GRIP2: variants seen among roughly 807,000 people sequenced by gnomAD.
GRIP2 encodes the protein glutamate receptor interacting protein 2, also known as glutamate receptor-interacting protein 2.
GRIP2 carries 58 observed loss-of-function variants against 108.3 expected under a neutral mutation model. That is an observed-to-expected ratio of 0.54 (90% CI 0.43 to 0.67). The LOEUF (loss-of-function observed/expected upper bound fraction) is 0.67. GRIP2 is among the 30% of genes least tolerant of loss of function. GRIP2 has a pLI of 0.00. For missense variants in GRIP2, 1,278 were observed against 1,430.6 expected (o/e 0.89, Z 1.72); for synonymous variants, 586 against 598.2 (o/e 0.98, Z 0.30).
At chr3:14,578,389 TA>T in the GRIP2 span, among the ~76,000 whole-genome samples, 1 of 152,158 alleles carries the variant, frequency 6.6e-6, no homozygotes, top group Non-Finnish European at 1.5e-5. Context: ...TCATGAGGAC[TA>T]AGGGAAGTGG....
chr3:14,585,559 T>C, the GRIP2 span, among the ~76,000 whole-genome samples: 28 of 152,242 alleles, frequency 1.8e-4, 1 homozygote, highest in South Asian at 5.8e-3. Context: ...AGAGCCACCT[T>C]GTCCTAGGGT....
At chr3:14,583,870 G>A in the GRIP2 span, among the ~76,000 whole-genome samples, 19 of 152,268 alleles carry the variant, frequency 1.2e-4, no homozygotes, top group Admixed American at 4.6e-4. Context: ...CTCCATCTTG[G>A]GAGGGGCCAC....
chr3:14,534,245 C>G (rs1303818217), intron 1 of GRIP2, among the ~76,000 whole-genome samples: 2 of 152,222 alleles, frequency 1.3e-5, no homozygotes, highest in Non-Finnish European at 2.9e-5. Flanking sequence ...TGACTCGAGC[C>G]TCCATTTTCC....
chr3:14,519,513 T>A (rs1694347973), intron 9 of GRIP2, among the ~76,000 whole-genome samples: 1 of 152,230 alleles, frequency 6.6e-6, no homozygotes, highest in African/African-American at 2.4e-5. Context: ...GATGGGACTT[T>A]CACTCAAGGC....
At chr3:14,508,416 A>C (rs1335427794) in intron 17 of GRIP2, among the ~76,000 whole-genome samples, 1 of 152,232 alleles carries the variant, frequency 6.6e-6, no homozygotes, top group Non-Finnish European at 1.5e-5. Context: ...AGGGCTGAGC[A>C]GGGGAGAAGC....
upstream of GRIP2, among the ~76,000 whole-genome samples, chr3:14,560,191 C>T (rs1695298510): frequency 6.6e-6 from 1 of 152,078 alleles, no homozygotes; most frequent in South Asian, 2.1e-4. Context: ...GAGTTTGAGG[C>T]TGCAGTGATC....
At position 14,521,301 on chromosome 3, in the gene GRIP2, C is replaced by A; in HGVS notation, c.712+341G>T. On this transcript the variant is annotated intron_variant, in intron 7 of 23. Transcript: ENST00000621039. The surrounding 1 kb of genome is among the most constrained non-coding windows in gnomAD (Gnocchi z 5.1). ...TCACTCCCCTAGTGAGAGAGCATCC[C>A]CCAGCCTGTCCCATCTCTCTCCCCT... is the stretch of plus-strand genomic sequence containing the variant. The A allele has an allele frequency of 4.4e-6, 1 of 226,236 alleles. No individual in the cohort carries two copies. Among genetic ancestry groups the A allele is most frequent in the Non-Finnish European group, 8.5e-6 (1 of 117,014 alleles). The allele number at this position is 226,236 out of a possible 1,614,324, so 14.0% of individuals were successfully genotyped here. A position where few individuals can be genotyped will look rare whatever the true frequency, so the allele number is the denominator to read the frequency against.
chr3:14,574,584 G>A, the GRIP2 span: 113 of 721,898 alleles, frequency 1.6e-4, no homozygotes, highest in Middle Eastern at 1.2e-3. Context: ...AACTTCGTCC[G>A]GGTATGTGGA....
At chr3:14,524,806 G>A (rs1694510378) in intron 3 of GRIP2, among the ~76,000 whole-genome samples, 1 of 152,180 alleles carries the variant, frequency 6.6e-6, no homozygotes, top group Admixed American at 6.5e-5. Flanking sequence ...AGCCTGCAGA[G>A]TGACCAGATC....
At chr3:14,530,897 T>C (rs1367141228) in intron 1 of GRIP2, 2 of 152,256 alleles carry the variant, frequency 1.3e-5, no homozygotes, top group Admixed American at 1.3e-4. Context: ...TATTTTTAAA[T>C]GTACAATTAC....
At chr3:14,538,385 G>C (rs1249369788) in intron 1 of GRIP2, among the ~76,000 whole-genome samples, 5 of 152,210 alleles carry the variant, frequency 3.3e-5, no homozygotes, top group Non-Finnish European at 5.9e-5. Flanking sequence ...CTGGAAATAG[G>C]CTCTCTTTCC....
rs570717823 is a variant in GRIP2, at chr3:14,496,406, C to G, written c.2823+11G>C. The G allele has an allele frequency of 1.2e-5, 19 of 1,604,724 alleles. No homozygotes were observed. The highest frequency in any genetic ancestry group is 5.6e-5 in the South Asian group (5 of 89,614). On this transcript the variant is annotated intron_variant, in intron 22 of 23. Transcript: ENST00000621039. Reference sequence around the variant, plus strand: ...AGGTCCAGGTCTCCTGTGCTCACCCCCTGTGCCTACCTTGTGCATCTCCAA... The same window carrying G: ...AGGTCCAGGTCTCCTGTGCTCACCCGCTGTGCCTACCTTGTGCATCTCCAA...
chr3:14,594,434 G>A, the GRIP2 span, among the ~76,000 whole-genome samples: 9 of 152,152 alleles, frequency 5.9e-5, no homozygotes, highest in Non-Finnish European at 1.5e-5. Flanking sequence ...GGGAGCAGGC[G>A]TGACTCCCAG....
upstream of GRIP2, chr3:14,541,985 G>A (rs371962111): frequency 1.5e-4 from 197 of 1,351,950 alleles, 1 homozygote; most frequent in African/African-American, 2.6e-3. Context: ...TCAACCACGC[G>A]GGAAGGAATG....
At chr3:14,495,767 G>C (rs1311466978) in intron 22 of GRIP2, among the ~76,000 whole-genome samples, 2 of 152,140 alleles carry the variant, frequency 1.3e-5, no homozygotes, top group Non-Finnish European at 1.5e-5. Flanking sequence ...TGAAGGTAGG[G>C]ATGTAAAGGT....
intron 21 of GRIP2, among the ~76,000 whole-genome samples, chr3:14,497,609 A>G (rs925363960): frequency 3.3e-5 from 5 of 152,240 alleles, no homozygotes; most frequent in African/African-American, 1.2e-4. Context: ...TCCCAGGAGC[A>G]GCAGGGAGCC....
chr3:14,574,406 C>T, the GRIP2 span: 1 of 769,928 alleles, frequency 1.3e-6, no homozygotes, highest in Non-Finnish European at 2.2e-6. Flanking sequence ...GGAGCCGCAC[C>T]TTGGGCTGCG....
the GRIP2 span, among the ~76,000 whole-genome samples, chr3:14,562,284 G>A: frequency 6.6e-6 from 1 of 152,200 alleles, no homozygotes; most frequent in Non-Finnish European, 1.5e-5. Flanking sequence ...TGTAGTCTCA[G>A]AAAGTAAGGA....
rs75924137 is a variant in GRIP2 at position 14,492,921 on chromosome 3, C to G, written c.*744G>C. 0.046 allele frequency: 7,014 copies of G among 152,332 alleles called. 177 individuals carry two copies. Among genetic ancestry groups the G allele is most frequent in the South Asian group, 0.093 (449 of 4,832 alleles). The allele number at this position is 152,332 out of a possible 1,614,324, so 9.4% of individuals were successfully genotyped here. Reference sequence around the variant, plus strand: ...AAGCTTCAGACTGAGATGCTGAAATCAAAGAATCACCCACTTTCAGAATCA... The same window carrying G: ...AAGCTTCAGACTGAGATGCTGAAATGAAAGAATCACCCACTTTCAGAATCA... On this transcript the variant is annotated 3_prime_UTR_variant, in exon 24 of 24. Transcript: ENST00000621039.
Sources: gnomAD v4.1 joint callset for allele counts (sites outside exome capture counted in the v4.1 genomes callset) on GRCh38, gnomAD v4.1.1 for gene constraint, Gnocchi (gnomAD v3.1) non-coding constraint, MANE v1.5 for transcripts, NCBI Gene and HGNC (gene_info 2026-07-23, HGNC 2026-07-21) for gene names.